Variants in MDK observed in about 807,000 individuals in gnomAD.
MDK encodes the protein midkine.
MDK carries 17 observed loss-of-function variants against 18.9 expected under a neutral mutation model. The ratio of observed to expected loss-of-function variants is 0.90; its 90% CI spans 0.62 to 1.35. The LOEUF is 1.35. Ranked by LOEUF, MDK falls within the 40% of genes most tolerant of loss-of-function variation. The probability of loss-of-function intolerance (pLI) is 0.00; values close to 1 mark genes in which losing one functional copy is unlikely to be tolerated. For synonymous variants in MDK, 86 were observed against 74.3 expected (o/e 1.16, Z -0.81); for missense variants, 180 against 186.3 (o/e 0.97, Z 0.20).
intron 4 of MDK, 42 bp downstream of exon 4, chr11:46,382,790 G>GGGGGGGGCGCC: frequency 3.0e-6 from 3 of 987,056 alleles, no homozygotes; most frequent in Non-Finnish European, 4.0e-6. Flanking sequence ...GCGGGGGGCT[G>GGGGGGGGCGCC]CCCCCCCCCC....
chr11:46,383,413 G>A (rs1022346561), intron 4 of MDK, 56 bp from the exon 5 acceptor site: 3 of 1,424,138 alleles, frequency 2.1e-6, no homozygotes, highest in Non-Finnish European at 2.9e-6. Flanking sequence ...CCGGCGGTCT[G>A]CAATGGGTCA....
intron 4 of MDK, chr11:46,383,095 T>A (rs1461665388): frequency 6.9e-6 from 3 of 431,970 alleles, no homozygotes; most frequent in Non-Finnish European, 1.3e-5. Context: ...CCCTTTCTAG[T>A]GTTGGGAGGA....
At position 46,382,573 on chromosome 11, in the gene MDK, C is replaced by G. The variant is rs748676546; in HGVS notation, c.245-14C>G. On this transcript the variant is annotated splice_polypyrimidine_tract_variant and intron_variant, in intron 3 of 4. Transcript: ENST00000395566. ...CGGGCCGCGCAGCGCTGACCTGGGC[C>G]GCTCTCTCGCCAGCCGACTGCAAGT... 18 of 1,601,756 alleles carry G rather than the reference C, an allele frequency of 1.1e-5. No individual in the cohort carries two copies. Among genetic ancestry groups the G allele is most frequent in the Middle Eastern group, 1.6e-4 (1 of 6,068 alleles).
chr11:46,381,950 G>A, intron 1 of MDK, 107 bp from the exon 2 acceptor site: 2 of 1,241,172 alleles, frequency 1.6e-6, no homozygotes, highest in Non-Finnish European at 2.3e-6. Flanking sequence ...TTAGCAGCCC[G>A]ACTTGGGGCC....
Position 46,382,731 on chromosome 11 carries a change from C to T in MDK, c.389C>T (p.Thr130Ile), listed in dbSNP as rs377346916. The change falls in exon 4 of 5, where the codon ACC becomes ATC. Residue 130 changes from threonine to isoleucine, a missense_variant. By Grantham distance (89) the Thr-to-Ile change is moderately conservative (BLOSUM62 -1). Coordinates refer to ENST00000395566, the MANE Select transcript of MDK (RefSeq NM_002391.6). ...IRVTKPCTPK[T>I]KAKAKAKKGK... ...GTCACCAAGCCCTGCACCCCCAAGA[C>T]CAAAGCAAAGGCCAAAGGTCAGCGA... 6.2e-7 allele frequency: 1 copy of T among 1,609,144 alleles called. No individual in the cohort carries two copies. The highest frequency in any genetic ancestry group is 8.5e-7 in the Non-Finnish European group (1 of 1,179,414).
rs1320703880 is a variant in MDK, at chr11:46,383,101, G to A, written c.406+353G>A. 9.2e-6 allele frequency: 4 copies of A among 434,352 alleles called. No individual in the cohort carries two copies. In the Admixed American group the frequency reaches 1.1e-4, roughly 12 times the overall value. The allele number at this position is 434,352 out of a possible 1,614,324, so 26.9% of individuals were successfully genotyped here. A position where few individuals can be genotyped will look rare whatever the true frequency, so the allele number is the denominator to read the frequency against. ...TCAGCTCTGCCCTTTCTAGTGTTGG[G>A]AGGAGGTCAAGGCCCACCCTGGGCC... On this transcript the variant is annotated intron_variant, in intron 4 of 4. Transcript: ENST00000395566.
At chr11:46,380,877 G>A (rs1044082985), upstream of MDK, 2 of 152,400 alleles carry the variant, frequency 1.3e-5, no homozygotes, top group South Asian at 4.1e-4. Flanking sequence ...CCAGGCCTCG[G>A]GGGCTCTCCC....
chr11:46,382,841 T>C, intron 4 of MDK, 93 bp downstream of exon 4: 1 of 1,419,096 alleles, frequency 7.0e-7, no homozygotes. Flanking sequence ...AAACCTTAAG[T>C]TTTGAGTCCT....
upstream of MDK, chr11:46,381,447 G>A (rs1475167265): frequency 6.6e-6 from 1 of 152,040 alleles, no homozygotes; most frequent in Non-Finnish European, 1.5e-5. Flanking sequence ...TCGGAAGATG[G>A]GGCCGGGAGA....
At position 46,382,661 on chromosome 11, in the gene MDK, C is replaced by T; in HGVS notation, c.319C>T (p.Leu107=). Residue 107 remains leucine (L), a synonymous_variant, in exon 4 of 5, where the codon CTG becomes TTG. Coordinates refer to ENST00000395566, the MANE Select transcript of MDK (RefSeq NM_002391.6). ...GTGTKVRQGT[L]KKARYNAQCQ... is the part of the protein sequence containing the mutation. ...AGGCACCAAAGTCCGCCAAGGCACC[C>T]TGAAGAAGGCGCGCTACAATGCTCA... The T allele has an allele frequency of 6.2e-7, 1 of 1,613,166 alleles. No individual in the cohort carries two copies. Among genetic ancestry groups the T allele is most frequent in the Admixed American group, 1.7e-5 (1 of 59,984 alleles).
At position 46,382,195 on chromosome 11, in the gene MDK, C is replaced by T. The variant is rs892887276; in HGVS notation, c.76+62C>T. 3 of 1,604,796 alleles carry T rather than the reference C, an allele frequency of 1.9e-6. No individual in the cohort carries two copies. The African/African-American group carries it at 4.0e-5, about 21-fold the overall frequency. On this transcript the variant is annotated intron_variant, in intron 2 of 4. Coordinates refer to ENST00000395566, the MANE Select transcript of MDK (RefSeq NM_002391.6). ...CAGGCGAGGCCCCTCCACTTCTGGGCTGGGCCGCCTGGGTTCCTAGCCTGG... is the reference window on the plus strand; with the variant it reads ...CAGGCGAGGCCCCTCCACTTCTGGGTTGGGCCGCCTGGGTTCCTAGCCTGG...
intron 4 of MDK, 111 bp from the exon 5 acceptor site, chr11:46,383,358 G>T (rs1389887391): frequency 8.7e-6 from 7 of 803,882 alleles, no homozygotes; most frequent in Non-Finnish European, 1.4e-5. Flanking sequence ...GAAACCACTA[G>T]GGGGCAGAAT....
rs1176195187 is a variant in MDK at position 46,382,757 on chromosome 11, AAGG to A, written c.406+12_406+14del. 2 of 1,596,134 alleles carry A rather than the reference AAGG, an allele frequency of 1.3e-6. No individual in the cohort carries two copies. The highest frequency in any genetic ancestry group is 8.5e-7 in the Non-Finnish European group (1 of 1,173,262). ...CAAAGCAAAGGCCAAAGGTCAGCGA[AAGG>A]AGAAGGGGGTGGGGCTGTCGCGGGG... is the stretch of plus-strand genomic sequence containing the variant. On this transcript the variant is annotated intron_variant, in intron 4 of 4. Coordinates refer to ENST00000395566, the MANE Select transcript of MDK (RefSeq NM_002391.6).
chr11:46,382,323 G>A lies in MDK; in HGVS notation c.106G>A (p.Glu36Lys). Residue 36 changes from glutamate (E) to lysine (K), a missense_variant, in exon 3 of 5, where the codon GAG becomes AAG. Transcript: ENST00000395566. ...GGTGAAGAAGGGCGGCCCGGGGAGC[G>A]AGTGCGCTGAGTGGGCCTGGGGGCC... ...DKVKKGGPGS[E>K]CAEWAWGPCT... 6.2e-7 allele frequency: 1 copy of A among 1,608,056 alleles called. No individual in the cohort carries two copies. Among genetic ancestry groups the A allele is most frequent in the Non-Finnish European group, 8.5e-7 (1 of 1,178,076 alleles).
rs1204198947 is a variant in MDK at position 46,382,725 on chromosome 11, C to T, written c.383C>T (p.Pro128Leu). ...ETIRVTKPCT[P>L]KTKAKAKAKK... is the part of the protein sequence containing the mutation. ...ATCCGCGTCACCAAGCCCTGCACCC[C>T]CAAGACCAAAGCAAAGGCCAAAGGT... Residue 128 changes from proline to leucine, a missense_variant, in exon 4 of 5, where the codon CCC (proline) becomes CTC (leucine). Physicochemically the swap from Pro to Leu is moderately conservative, Grantham distance 98. Coordinates refer to ENST00000395566, the MANE Select transcript of MDK (RefSeq NM_002391.6). 2 of 1,611,664 alleles carry T rather than the reference C, an allele frequency of 1.2e-6. No individual in the cohort carries two copies. The highest frequency in any genetic ancestry group is 1.3e-5 in the African/African-American group (1 of 74,190).
chr11:46,382,790 G>GGGGGCCCCCC, intron 4 of MDK, 42 bp downstream of exon 4: 2 of 985,974 alleles, frequency 2.0e-6, no homozygotes, highest in African/African-American at 3.0e-5. Flanking sequence ...GCGGGGGGCT[G>GGGGGCCCCCC]CCCCCCCCCC....
chr11:46,382,614 G>A lies in MDK; in HGVS notation c.272G>A (p.Trp91Ter). The change falls in exon 4 of 5, where the codon TGG becomes TAG. Residue 91 changes from tryptophan (W) to a stop codon, truncating the protein, a stop_gained. Coordinates refer to ENST00000395566, the MANE Select transcript of MDK (RefSeq NM_002391.6). LOFTEE classifies it high-confidence loss of function. ...GACTGCAAGTACAAGTTTGAGAACT[G>A]GGGTGCGTGTGATGGGGGCACAGGC... ...GADCKYKFEN[W>*]GACDGGTGTK... is the part of the protein sequence containing the mutation. 2 of 1,612,340 alleles carry A rather than the reference G, an allele frequency of 1.2e-6. No homozygotes were observed. Among genetic ancestry groups the A allele is most frequent in the African/African-American group, 1.3e-5 (1 of 75,028 alleles).
chr11:46,382,235 G>A lies in MDK; in HGVS notation c.77-59G>A. 4.4e-6 allele frequency: 7 copies of A among 1,603,836 alleles called. No individual in the cohort carries two copies. In the Admixed American group the frequency reaches 1.0e-4, roughly 23 times the overall value. On this transcript the variant is annotated intron_variant, in intron 2 of 4. Transcript: ENST00000395566. ...TCCTAGCCTGGAACCCCAGGAAGGC[G>A]GCTCCCGAGGGAGTCTCCCCGTGCC...
Position 46,383,599 on chromosome 11 carries a change from T to A in MDK, c.*105T>A, listed in dbSNP as rs763456720. 3 of 1,013,326 alleles carry A rather than the reference T, an allele frequency of 3.0e-6. No homozygotes were observed. In the African/African-American group the frequency reaches 4.7e-5, roughly 16 times the overall value. The allele number at this position is 1,013,326 out of a possible 1,614,324, so 62.8% of individuals were successfully genotyped here. Reference sequence around the variant, plus strand: ...TGACCCACCAGTGCCTTCTGTCTGCTCGTTAGCTTTAATCAATCATGCCCT... The same window carrying A: ...TGACCCACCAGTGCCTTCTGTCTGCACGTTAGCTTTAATCAATCATGCCCT... On this transcript the variant is annotated 3_prime_UTR_variant, in exon 5 of 5. Coordinates refer to ENST00000395566, the MANE Select transcript of MDK (RefSeq NM_002391.6).
Sources: allele counts gnomAD v4.1 joint callset, GRCh38; gene constraint gnomAD v4.1.1; transcripts MANE v1.5; gene names NCBI Gene and HGNC (gene_info 2026-07-23, HGNC 2026-07-21).